Variants in VIPR1 observed in about 807,000 individuals in gnomAD.
VIPR1 encodes the protein vasoactive intestinal polypeptide receptor 1.
A neutral mutation model predicts 58.8 loss-of-function variants in VIPR1; 59 were observed. The observed-to-expected ratio is 1.00, with a 90% CI of 0.81 to 1.25. The LOEUF is 1.25. Ranked by LOEUF, VIPR1 falls within the 50% of genes most tolerant of loss-of-function variation. The pLI is 0.00. For synonymous variants in VIPR1, 251 were observed against 242.1 expected, an observed-to-expected ratio of 1.04 and a Z score of -0.34; for missense variants, 626 against 602.7, an observed-to-expected ratio of 1.04 and a Z score of -0.40.
rs2125684530 is a variant in VIPR1 at position 42,537,180 on chromosome 3, A to G, written c.*899A>G. 6.6e-6 allele frequency: 1 copy of G among 152,338 alleles called. No homozygotes were observed. The highest frequency in any genetic ancestry group is 1.5e-5 in the Non-Finnish European group (1 of 68,038). 9.4% of individuals were successfully genotyped at this position (152,338 alleles called of 1,614,324 possible). A position where few individuals can be genotyped will look rare whatever the true frequency, so the allele number is the denominator to read the frequency against. ...CCAACTGTTGTAACTAGGCTCAGAG[A>G]TGTGCACCCATGGGCTCTGACAGAA... On this transcript the variant is annotated 3_prime_UTR_variant, in exon 13 of 13. Transcript: ENST00000325123.
chr3:42,531,435 C>A, intron 7 of VIPR1, 36 bp from the exon 8 acceptor site: 6 of 1,555,708 alleles, frequency 3.9e-6, no homozygotes, highest in Non-Finnish European at 5.2e-6. Context: ...GCTTCCTGTG[C>A]CCTCTCTGCT....
chr3:42,499,708 G>T (rs1031251030), upstream of VIPR1, among the ~76,000 whole-genome samples: 3 of 152,142 alleles, frequency 2.0e-5, no homozygotes, highest in Admixed American at 2.0e-4. Flanking sequence ...TTTGGACAGG[G>T]TGGGGAGATT....
intron 3 of VIPR1, among the ~76,000 whole-genome samples, chr3:42,524,445 A>G (rs1270905573): frequency 6.6e-6 from 1 of 152,108 alleles, no homozygotes; most frequent in Non-Finnish European, 1.5e-5. Context: ...CCCCTCCTCA[A>G]CCAAATCCAT....
rs116762866 is a variant in VIPR1 at position 42,518,685 on chromosome 3, T to C, written c.185-538T>C. On this transcript the variant is annotated intron_variant, in intron 2 of 12. Transcript: ENST00000325123. ...ACCCAGGAGGCAGAGGTTGCCAAGG[T>C]TGCACCACTGCACTCTAGCCTGGGT... Among the ~76,000 whole-genome samples, 1,464 of 152,298 alleles carry C rather than the reference T, an allele frequency of 9.6e-3. 33 individuals carry two copies. The highest frequency in any genetic ancestry group is 0.034 in the African/African-American group (1,398 of 41,556).
intron 4 of VIPR1, among the ~76,000 whole-genome samples, 164 bp downstream of exon 4, chr3:42,526,157 C>T (rs950480749): frequency 6.6e-6 from 1 of 152,218 alleles, no homozygotes; most frequent in Non-Finnish European, 1.5e-5. Flanking sequence ...GGGGTCCCAA[C>T]CCTTGGCTCC....
At chr3:42,525,756 G>A (rs533677961) in intron 3 of VIPR1, 131 bp from the exon 4 acceptor site, 36 of 966,802 alleles carry the variant, frequency 3.7e-5, no homozygotes, top group Non-Finnish European at 5.1e-5. Flanking sequence ...ACTGGGTCAG[G>A]GCAGCTGGAA....
chr3:42,525,493 T>C (rs1305242546), intron 3 of VIPR1, among the ~76,000 whole-genome samples: 1 of 151,766 alleles, frequency 6.6e-6, no homozygotes, highest in Non-Finnish European at 1.5e-5. Context: ...CGGGCAGGCC[T>C]GGGCCCCTTC....
intron 1 of VIPR1, among the ~76,000 whole-genome samples, chr3:42,505,211 A>G: frequency 6.7e-6 from 1 of 149,676 alleles, no homozygotes; most frequent in Non-Finnish European, 1.5e-5. Flanking sequence ...TGCTGAGAGG[A>G]ACAGTCAGGG....
At chr3:42,496,279 G>T (rs1325972436) in intron 1 of VIPR1, among the ~76,000 whole-genome samples, 1 of 152,082 alleles carries the variant, frequency 6.6e-6, no homozygotes, top group Non-Finnish European at 1.5e-5. Flanking sequence ...CCCTCTCTTT[G>T]CAGAGGTAAC....
upstream of VIPR1, among the ~76,000 whole-genome samples, chr3:42,498,814 T>C (rs180730953): frequency 3.4e-4 from 51 of 152,144 alleles, no homozygotes; most frequent in African/African-American, 1.2e-3. Flanking sequence ...TGAGTGCGGG[T>C]GTTGAGACGT....
At chr3:42,518,951 T>G (rs1700769038) in intron 2 of VIPR1, among the ~76,000 whole-genome samples, 1 of 152,094 alleles carries the variant, frequency 6.6e-6, no homozygotes, top group Non-Finnish European at 1.5e-5. Flanking sequence ...GCTGCAACAG[T>G]CAAAACCACC....
At chr3:42,502,900 T>A in intron 1 of VIPR1, 87 bp downstream of exon 1, 3 of 1,034,326 alleles carry the variant, frequency 2.9e-6, no homozygotes, top group Non-Finnish European at 3.7e-6. Context: ...AGCCGGGCCG[T>A]CTGTGCGCGT....
intron 2 of VIPR1, among the ~76,000 whole-genome samples, chr3:42,517,689 G>A (rs1700702661): frequency 6.6e-6 from 1 of 152,144 alleles, no homozygotes; most frequent in Admixed American, 6.5e-5. Flanking sequence ...AGAACTAGGT[G>A]CGGGCTGGGC....
At chr3:42,517,621 C>G (rs768035939) in intron 2 of VIPR1, among the ~76,000 whole-genome samples, 56 of 152,246 alleles carry the variant, frequency 3.7e-4, no homozygotes, top group Non-Finnish European at 7.3e-4. Context: ...TGTTCCCTAA[C>G]TATTCCCCTC....
chr3:42,492,703 C>G (rs1699687877), intron 1 of VIPR1, among the ~76,000 whole-genome samples: 1 of 152,198 alleles, frequency 6.6e-6, no homozygotes, highest in Non-Finnish European at 1.5e-5. Flanking sequence ...TTTCAAGTGC[C>G]AAGCCTGGGG....
upstream of VIPR1, among the ~76,000 whole-genome samples, chr3:42,497,930 C>G (rs573007302): frequency 6.6e-6 from 1 of 152,296 alleles, no homozygotes; most frequent in African/African-American, 2.4e-5. Context: ...ATACAACCCC[C>G]TTGCTAAGCT....
At chr3:42,513,645 C>T (rs1700471725) in intron 1 of VIPR1, 104 bp from the exon 2 acceptor site, 1 of 1,221,836 alleles carries the variant, frequency 8.2e-7, no homozygotes, top group Admixed American at 2.2e-5. Context: ...CCATCTGGAA[C>T]TTGGATCTCT....
chr3:42,508,477 T>G (rs187504461), intron 1 of VIPR1, among the ~76,000 whole-genome samples: 25 of 152,242 alleles, frequency 1.6e-4, no homozygotes, highest in Admixed American at 1.4e-3. Context: ...CTTTAGATAT[T>G]TTTAAAATTA....
At chr3:42,512,927 C>T (rs1700429384) in intron 1 of VIPR1, 1 of 985,550 alleles carries the variant, frequency 1.0e-6, no homozygotes, top group Non-Finnish European at 1.2e-6. Flanking sequence ...AGCCATCACC[C>T]CCACTCACAT....
Sources: gnomAD v4.1 joint callset for allele counts (sites outside exome capture counted in the v4.1 genomes callset) on GRCh38, gnomAD v4.1.1 for gene constraint, MANE v1.5 for transcripts, NCBI Gene and HGNC (gene_info 2026-07-23, HGNC 2026-07-21) for gene names.